IFT81: variants seen among roughly 807,000 people sequenced by gnomAD.
IFT81 encodes intraflagellar transport protein 81 homolog.
Under a neutral mutation model 102.6 loss-of-function variants are expected in IFT81, and 72 were observed. The observed-to-expected ratio is 0.70, with a 90% CI of 0.58 to 0.85. The LOEUF (loss-of-function observed/expected upper bound fraction) is 0.85. IFT81 is among the 40% of genes least tolerant of loss of function. IFT81 has a pLI of 0.00. For missense variants in IFT81, 723 were observed against 787.3 expected (o/e 0.92, Z 0.98); for synonymous variants, 237 against 242.7 (o/e 0.98, Z 0.22).
chr12:110,181,659 C>G (rs1210423975), intron 12 of IFT81, among the ~76,000 whole-genome samples: 1 of 152,112 alleles, frequency 6.6e-6, no homozygotes, highest in Non-Finnish European at 1.5e-5. Flanking sequence ...CTTCCATATC[C>G]CTGTTGATTT....
chr12:110,146,857 A>G, intron 9 of IFT81, 96 bp from the exon 10 acceptor site: 9 of 1,344,928 alleles, frequency 6.7e-6, no homozygotes, highest in Non-Finnish European at 8.7e-6. Flanking sequence ...AAAAAAAAGA[A>G]CCATAAATTC....
intron 14 of IFT81, chr12:110,203,466 G>A (rs1898409098): frequency 5.6e-6 from 1 of 178,342 alleles, no homozygotes; most frequent in Non-Finnish European, 1.2e-5. Context: ...AATTTCTCCA[G>A]GAAATTGTCC....
intron 8 of IFT81, among the ~76,000 whole-genome samples, chr12:110,139,921 C>T (rs1406711996): frequency 8.0e-6 from 1 of 125,030 alleles, no homozygotes; most frequent in Non-Finnish European, 1.7e-5. Context: ...AAAAAATTAG[C>T]TGGGCATGGT....
chr12:110,192,571 T>C, intron 13 of IFT81, 46 bp from the exon 14 acceptor site: 2 of 1,074,466 alleles, frequency 1.9e-6, no homozygotes, highest in Non-Finnish European at 2.8e-6. Flanking sequence ...TATTTTTCTT[T>C]TTTTGAATTC....
intron 10 of IFT81, among the ~76,000 whole-genome samples, chr12:110,152,949 G>A (rs1232357637): frequency 6.6e-6 from 1 of 152,190 alleles, no homozygotes; most frequent in Non-Finnish European, 1.5e-5. Context: ...CTCCCATTCT[G>A]TGTGTTGCCT....
At chr12:110,139,833 A>AAAAT (rs1894760497) in intron 8 of IFT81, among the ~76,000 whole-genome samples, 2 of 116,716 alleles carry the variant, frequency 1.7e-5, no homozygotes, top group African/African-American at 6.4e-5. Flanking sequence ...AAAATAAAAT[A>AAAAT]AAATAAAATA....
intron 18 of IFT81, among the ~76,000 whole-genome samples, chr12:110,217,561 T>C (rs1216435967): frequency 4.6e-5 from 7 of 152,092 alleles, no homozygotes; most frequent in African/African-American, 1.7e-4. Context: ...TTGTTTGTTT[T>C]TGTTTTTTGT....
At chr12:110,201,051 T>C (rs1898240582) in intron 14 of IFT81, among the ~76,000 whole-genome samples, 1 of 152,178 alleles carries the variant, frequency 6.6e-6, no homozygotes, top group South Asian at 2.1e-4. Flanking sequence ...CATTGTATAG[T>C]GGTATGAAAA....
intron 1 of IFT81, among the ~76,000 whole-genome samples, chr12:110,126,277 C>CAA (rs11287085): frequency 2.1e-4 from 20 of 97,500 alleles, no homozygotes; most frequent in Admixed American, 1.0e-3. Flanking sequence ...GACTCCGTCT[C>CAA]AAAAAAAAAA....
chr12:110,139,866 T>TAAAATATAAAATAAA (rs1477964163), intron 8 of IFT81, among the ~76,000 whole-genome samples: 24 of 130,080 alleles, frequency 1.8e-4, no homozygotes, highest in African/African-American at 5.9e-4. Flanking sequence ...TAAAATAAAA[T>TAAAATATAAAATAAA]ATAAAATAAA....
chr12:110,172,942 T>TGGA (rs1896822028), intron 11 of IFT81, among the ~76,000 whole-genome samples: 1 of 114,434 alleles, frequency 8.7e-6, no homozygotes. Flanking sequence ...GGGAGGGAGG[T>TGGA]GGGGGTCAGC....
intron 8 of IFT81, among the ~76,000 whole-genome samples, chr12:110,141,511 T>C (rs1174178305): frequency 6.6e-6 from 1 of 152,226 alleles, no homozygotes; most frequent in Non-Finnish European, 1.5e-5. Context: ...TTGGGCCAGA[T>C]GTATTATGCT....
intron 9 of IFT81, among the ~76,000 whole-genome samples, chr12:110,144,991 G>A (rs1188662929): frequency 6.9e-6 from 1 of 144,478 alleles, no homozygotes; most frequent in Non-Finnish European, 1.5e-5. Flanking sequence ...TCAGCCTCTC[G>A]ACTAGCTGGG....
At chr12:110,193,799 A>T (rs1413917641) in intron 14 of IFT81, among the ~76,000 whole-genome samples, 1 of 152,226 alleles carries the variant, frequency 6.6e-6, no homozygotes. Context: ...AAATTTGAAT[A>T]TTAACAGCTG....
intron 12 of IFT81, among the ~76,000 whole-genome samples, chr12:110,183,960 G>C (rs928470448): frequency 2.0e-5 from 3 of 152,150 alleles, no homozygotes; most frequent in African/African-American, 7.2e-5. Context: ...AATTAGTCCT[G>C]TGCCTGGTTT....
At chr12:110,200,784 C>A (rs1898224801) in intron 14 of IFT81, among the ~76,000 whole-genome samples, 1 of 151,832 alleles carries the variant, frequency 6.6e-6, no homozygotes. Context: ...CCCATTTCTA[C>A]TAAAAACACA....
At chr12:110,153,311 C>T (rs1397531564) in intron 10 of IFT81, among the ~76,000 whole-genome samples, 3 of 151,824 alleles carry the variant, frequency 2.0e-5, no homozygotes, top group Admixed American at 6.6e-5. Context: ...CTCGGCTCAC[C>T]GCAACCTCCG....
At chr12:110,137,278 TG>T (rs530575315) in intron 8 of IFT81, among the ~76,000 whole-genome samples, 78 of 152,320 alleles carry the variant, frequency 5.1e-4, no homozygotes, top group East Asian at 4.8e-3. Flanking sequence ...AGGCAGAGGT[TG>T]CAGTGAGCCG....
chr12:110,178,376 T>G (rs1486388417), intron 11 of IFT81, among the ~76,000 whole-genome samples: 1 of 144,006 alleles, frequency 6.9e-6, no homozygotes, highest in Non-Finnish European at 1.5e-5. Context: ...ATTGTGCGGC[T>G]GCACTCCAGC....
Sources: allele counts gnomAD v4.1 joint callset (sites outside exome capture counted in the v4.1 genomes callset), GRCh38; gene constraint gnomAD v4.1.1; transcripts MANE v1.5; gene names NCBI Gene and HGNC (gene_info 2026-07-23, HGNC 2026-07-21).